Variants in PIK3C2G observed in about 807,000 individuals in gnomAD.
PIK3C2G encodes phosphatidylinositol-4-phosphate 3-kinase catalytic subunit type 2 gamma, also known as phosphatidylinositol 3-kinase C2 domain-containing subunit gamma.
PIK3C2G carries 168 observed loss-of-function variants against 181.1 expected under a neutral mutation model. The observed-to-expected ratio is 0.93, with a 90% CI of 0.82 to 1.05. The LOEUF (loss-of-function observed/expected upper bound fraction) is 1.05. Ranked by LOEUF, PIK3C2G falls within the 50% of genes least tolerant of loss-of-function variation. The probability of loss-of-function intolerance (pLI) is 0.00; values close to 1 mark genes in which losing one functional copy is unlikely to be tolerated. For missense variants in PIK3C2G, 1,869 were observed against 1,732.8 expected, an observed-to-expected ratio of 1.08 and a Z score of -1.40; for synonymous variants, 573 against 592.2, an observed-to-expected ratio of 0.97 and a Z score of 0.47.
intron 7 of PIK3C2G, among the ~76,000 whole-genome samples, chr12:18,322,125 T>C (rs921595668): frequency 3.3e-5 from 5 of 152,062 alleles, no homozygotes; most frequent in African/African-American, 1.2e-4. Context: ...TGGCTCACGC[T>C]TGTAATCCCA....
intron 1 of PIK3C2G, among the ~76,000 whole-genome samples, chr12:18,268,406 A>C (rs1187206542): frequency 1.3e-5 from 2 of 150,312 alleles, no homozygotes; most frequent in Admixed American, 6.7e-5. Context: ...TATTATTATT[A>C]TTCTAAGATT....
At chr12:18,287,867 GA>G (rs527900015) in intron 3 of PIK3C2G, among the ~76,000 whole-genome samples, 28 of 122,174 alleles carry the variant, frequency 2.3e-4, no homozygotes, top group Admixed American at 1.5e-3. Flanking sequence ...TCTCAAAAAA[GA>G]AAAAAAAAAT....
At chr12:18,615,135 CA>C (rs1948535293) in intron 31 of PIK3C2G, among the ~76,000 whole-genome samples, 2 of 151,942 alleles carry the variant, frequency 1.3e-5, no homozygotes, top group Non-Finnish European at 2.9e-5. Flanking sequence ...CCCTTCCCCC[CA>C]AGTCCCTAAA....
intron 4 of PIK3C2G, among the ~76,000 whole-genome samples, chr12:18,293,473 A>G (rs1949799186): frequency 6.6e-6 from 1 of 152,152 alleles, no homozygotes; most frequent in Admixed American, 6.6e-5. Context: ...TATCTTGCTG[A>G]TACCCTTAGA....
At chr12:18,478,985 A>AT (rs1565431330) in intron 18 of PIK3C2G, among the ~76,000 whole-genome samples, 1 of 147,286 alleles carries the variant, frequency 6.8e-6, no homozygotes, top group Non-Finnish European at 1.5e-5. Flanking sequence ...AAAAAAAAAA[A>AT]AATATATATA....
intron 1 of PIK3C2G, among the ~76,000 whole-genome samples, chr12:18,252,681 C>T (rs756213354): frequency 4.6e-5 from 7 of 152,060 alleles, no homozygotes; most frequent in Non-Finnish European, 8.8e-5. Context: ...TGTTCAAATT[C>T]GACTCTGTGT....
chr12:18,680,558 T>G, the PIK3C2G span, among the ~76,000 whole-genome samples: 14 of 152,020 alleles, frequency 9.2e-5, no homozygotes, highest in Non-Finnish European at 1.6e-4. Context: ...ATCTTCTATT[T>G]GAGACCCTAA....
At position 18,376,570 on chromosome 12, in the gene PIK3C2G, T is replaced by C. The variant is rs147027523; in HGVS notation, c.1881-5196T>C. On this transcript the variant is annotated intron_variant, in intron 13 of 32. Transcript: ENST00000538779. ...ACTTTGGGTGACTATTGAGAAGGCA[T>C]GATTGTATTTTGCAGTGTGAGAAGG... Among the ~76,000 whole-genome samples the C allele has an allele frequency of 6.6e-3, 1,011 of 152,238 alleles. 10 individuals carry two copies. Among genetic ancestry groups the C allele is most frequent in the African/African-American group, 0.023 (973 of 41,530 alleles).
At chr12:18,286,420 C>A (rs1949446237) in intron 2 of PIK3C2G, among the ~76,000 whole-genome samples, 1 of 151,962 alleles carries the variant, frequency 6.6e-6, no homozygotes, top group African/African-American at 2.4e-5. Context: ...TCAGCAATAA[C>A]AATGATAAAC....
intron 29 of PIK3C2G, among the ~76,000 whole-genome samples, chr12:18,569,124 G>T (rs879589137): frequency 6.6e-6 from 1 of 152,028 alleles, no homozygotes; most frequent in Admixed American, 6.6e-5. Flanking sequence ...GACCCTTTAT[G>T]ACTTCCAAGA....
intron 29 of PIK3C2G, among the ~76,000 whole-genome samples, chr12:18,589,366 A>C (rs749638560): frequency 2.8e-4 from 43 of 152,056 alleles, no homozygotes; most frequent in Non-Finnish European, 5.6e-4. Flanking sequence ...AATTTGAGAT[A>C]GAAAGCAGAA....
chr12:18,337,747 C>T (rs1417794211), intron 8 of PIK3C2G, among the ~76,000 whole-genome samples: 1 of 152,168 alleles, frequency 6.6e-6, no homozygotes, highest in African/African-American at 2.4e-5. Context: ...TGCCTCCCAC[C>T]AGGCTTCACT....
chr12:18,273,015 GACACACACAAACAC>G (rs1315050830), intron 1 of PIK3C2G, among the ~76,000 whole-genome samples: 2 of 148,764 alleles, frequency 1.3e-5, no homozygotes, highest in African/African-American at 4.9e-5. Flanking sequence ...CCCATCCATA[GACACACACAAACAC>G]ACACACACAG....
intron 29 of PIK3C2G, among the ~76,000 whole-genome samples, chr12:18,579,312 C>T (rs911379465): frequency 7.9e-5 from 12 of 152,278 alleles, no homozygotes; most frequent in East Asian, 3.9e-4. Context: ...AACATGAAAT[C>T]GTACAACCTT....
chr12:18,538,841 G>A (rs1449743425), intron 25 of PIK3C2G, among the ~76,000 whole-genome samples: 1 of 151,732 alleles, frequency 6.6e-6, no homozygotes, highest in Non-Finnish European at 1.5e-5. Context: ...ACTGAGTCAT[G>A]GTCCTACACA....
intron 9 of PIK3C2G, 61 bp downstream of exon 9, chr12:18,338,609 GAGTGAA>G (rs1219210957): frequency 1.1e-5 from 13 of 1,188,620 alleles, no homozygotes; most frequent in Non-Finnish European, 1.5e-5. Context: ...TAATTAAGGA[GAGTGAA>G]AGACTTTTTA....
chr12:18,282,628 T>A lies in PIK3C2G; in HGVS notation c.547T>A (p.Ser183Thr). The A allele has an allele frequency of 1.2e-6, 2 of 1,613,348 alleles. No individual in the cohort carries two copies. Among genetic ancestry groups the A allele is most frequent in the Non-Finnish European group, 8.5e-7 (1 of 1,179,356 alleles). Residue 183 changes from serine to threonine, a missense_variant, in exon 2 of 33, where the codon TCA becomes ACA. Physicochemically the swap from Ser to Thr is moderately conservative, Grantham distance 58. Transcript: ENST00000538779. The stretch of plus-strand genomic sequence containing the variant: ...CATTCCTCCAACAAATTCATCCTTC[T>A]CAAGTGACTTCATGCCGAAAGAAGA... ...SSIPPTNSSF[S>T]SDFMPKEENK...
chr12:18,514,848 T>C (rs1432682259), intron 24 of PIK3C2G, among the ~76,000 whole-genome samples: 1 of 152,024 alleles, frequency 6.6e-6, no homozygotes, highest in East Asian at 1.9e-4. Flanking sequence ...AATTTTAACT[T>C]TTCCTCATTT....
chr12:18,392,502 G>C (rs1943597961), intron 15 of PIK3C2G, among the ~76,000 whole-genome samples: 1 of 151,958 alleles, frequency 6.6e-6, no homozygotes, highest in Non-Finnish European at 1.5e-5. Context: ...CTTTTTATTT[G>C]ATATTCCCTC....
Sources: gnomAD v4.1 joint callset for allele counts (sites outside exome capture counted in the v4.1 genomes callset) on GRCh38, gnomAD v4.1.1 for gene constraint, MANE v1.5 for transcripts, NCBI Gene and HGNC (gene_info 2026-07-23, HGNC 2026-07-21) for gene names.